Variants in SLC9B1 observed in about 807,000 individuals in gnomAD.
SLC9B1 encodes sodium/hydrogen exchanger 9B1.
SLC9B1 carries 32 observed loss-of-function variants against 51.7 expected under a neutral mutation model. The ratio of observed to expected loss-of-function variants is 0.62; its 90% CI spans 0.47 to 0.83. SLC9B1 has a LOEUF of 0.83. SLC9B1 is among the 40% of genes least tolerant of loss of function. SLC9B1 has a pLI of 0.00. For synonymous variants in SLC9B1, 145 were observed against 212.7 expected (o/e 0.68, Z 2.77); for missense variants, 406 against 613.2 (o/e 0.66, Z 3.57).
chr4:102,944,904 C>A (rs1262419515), intron 6 of SLC9B1, among the ~76,000 whole-genome samples: 1 of 151,624 alleles, frequency 6.6e-6, no homozygotes, highest in African/African-American at 2.4e-5. Context: ...GAGGAAGAGG[C>A]CATTAGATAG....
Position 102,901,143 on chromosome 4 carries a change from G to A in SLC9B1, c.1522C>T (p.Gln508Ter), listed in dbSNP as rs1441944161. 4.3e-6 allele frequency: 7 copies of A among 1,610,970 alleles called. No individual in the cohort carries two copies. The highest frequency in any genetic ancestry group is 5.9e-6 in the Non-Finnish European group (7 of 1,179,774). The change falls in exon 12 of 12, where the codon CAG becomes TAG. Residue 508 changes from glutamine to a stop codon, truncating the protein, a stop_gained. Transcript: ENST00000296422. LOFTEE classifies it low-confidence loss of function (END_TRUNC). The stretch of plus-strand genomic sequence containing the variant: ...TAATGATGTTCTAATGTTGACAACT[G>A]CAGTTTTATTTTGCTTGGATCATAA... ...RHYDPSKIKL[Q>*]LSTLEHH
intron 1 of SLC9B1, among the ~76,000 whole-genome samples, chr4:103,012,205 T>C (rs1278042749): frequency 1.3e-5 from 2 of 152,248 alleles, no homozygotes; most frequent in East Asian, 3.8e-4. Context: ...TTTCTTCCCC[T>C]AAATATCCTA....
At chr4:102,930,996 G>A (rs1736421840) in intron 7 of SLC9B1, among the ~76,000 whole-genome samples, 2 of 151,878 alleles carry the variant, frequency 1.3e-5, no homozygotes, top group African/African-American at 4.8e-5. Context: ...AGGCCGAGGC[G>A]GGCGGATCAT....
rs1734759062 is a variant in SLC9B1, at chr4:102,901,024, C to G, written c.*93G>C. 4 of 1,566,268 alleles carry G rather than the reference C, an allele frequency of 2.6e-6. No homozygotes were observed. In the African/African-American group the frequency reaches 5.4e-5, roughly 21 times the overall value. On this transcript the variant is annotated 3_prime_UTR_variant, in exon 12 of 12. Transcript: ENST00000296422. The stretch of plus-strand genomic sequence containing the variant: ...ACATGTTTACTAAATCCTGGATTCT[C>G]TGTACAGTCCCCACATATTTCTACT...
At chr4:102,934,427 CTATT>C (rs1163050649) in intron 6 of SLC9B1, among the ~76,000 whole-genome samples, 1 of 152,074 alleles carries the variant, frequency 6.6e-6, no homozygotes, top group Non-Finnish European at 1.5e-5. Context: ...GTTGAGATAA[CTATT>C]TATGTGGAAA....
chr4:102,945,196 A>G lies in SLC9B1; in HGVS notation c.650T>C (p.Leu217Ser), dbSNP rs780816343. 27 of 1,590,800 alleles carry G rather than the reference A, an allele frequency of 1.7e-5. No homozygotes were observed. Among genetic ancestry groups the G allele is most frequent in the Middle Eastern group, 3.4e-4 (2 of 5,942 alleles). The change falls in exon 6 of 12, where the codon TTA becomes TCA. Residue 217 changes from leucine to serine, a missense_variant. By Grantham distance (145) the Leu-to-Ser change is moderately radical. Around this residue, in one of 6 missense-constraint regions of SLC9B1, gnomAD observed 250 missense variants for 394.1 expected, o/e 0.63. Transcript: ENST00000296422. The stretch of plus-strand genomic sequence containing the variant: ...GAAAAAATGAGAAAGAAATTACCCT[A>G]ATAGAAATGCCCATTGCCAGGGAAA... Reference protein sequence around the residue: ...MKFPWQWAFLLGFVLGAVSPA... With the variant: ...MKFPWQWAFLSGFVLGAVSPA...
At chr4:102,902,892 C>T (rs1481611110) in intron 11 of SLC9B1, among the ~76,000 whole-genome samples, 4 of 152,102 alleles carry the variant, frequency 2.6e-5, no homozygotes, top group African/African-American at 4.8e-5. Context: ...AGAGCTGAAC[C>T]TTAGCCAATT....
chr4:103,008,611 G>A (rs566287137), intron 1 of SLC9B1, among the ~76,000 whole-genome samples: 1 of 152,010 alleles, frequency 6.6e-6, no homozygotes, highest in East Asian at 1.9e-4. Flanking sequence ...TAAAACTCCT[G>A]ATCTCAAGTG....
At position 102,891,227 on chromosome 4, in the gene SLC9B1, C is replaced by G. The variant is rs1306423778; in HGVS notation, c.1333-5899G>C. On this transcript the variant is annotated intron_variant, in intron 11 of 11. Transcript: ENST00000394789. ...TTTTTAATGGTAGAGGCAGCAGCTA[C>G]CCAGAGTCTACTTATTCTTACTTCA... 3 of 146,730 alleles carry G rather than the reference C, an allele frequency of 2.0e-5. No homozygotes were observed. The South Asian group carries it at 6.2e-4, about 30-fold the overall frequency. The allele number at this position is 146,730 out of a possible 1,614,324, so 9.1% of individuals were successfully genotyped here. A position where few individuals can be genotyped will look rare whatever the true frequency, so the allele number is the denominator to read the frequency against.
At chr4:102,972,297 C>G (rs1285313904) in intron 3 of SLC9B1, among the ~76,000 whole-genome samples, 2 of 152,214 alleles carry the variant, frequency 1.3e-5, no homozygotes, top group Non-Finnish European at 2.9e-5. Flanking sequence ...CCACCACTAT[C>G]AAGTCGGCTT....
intron 11 of SLC9B1, among the ~76,000 whole-genome samples, chr4:102,904,469 A>G (rs1271009124): frequency 1.0e-5 from 1 of 97,974 alleles, no homozygotes; most frequent in East Asian, 2.7e-4. Context: ...AAAATAAAAA[A>G]CATTTTCATA....
intron 11 of SLC9B1, chr4:102,892,851 T>C (rs1734320463): frequency 6.6e-6 from 1 of 152,204 alleles, no homozygotes; most frequent in South Asian, 2.1e-4. Context: ...CCCTCATAAA[T>C]TTCTCTGCAT....
At chr4:102,927,890 C>A (rs928575053) in intron 7 of SLC9B1, among the ~76,000 whole-genome samples, 26 of 152,086 alleles carry the variant, frequency 1.7e-4, no homozygotes, top group Non-Finnish European at 3.5e-4. Context: ...AATACTAATG[C>A]AATCATAAAA....
intron 3 of SLC9B1, among the ~76,000 whole-genome samples, chr4:102,968,426 G>A (rs1333105503): frequency 6.6e-6 from 1 of 152,114 alleles, no homozygotes; most frequent in Non-Finnish European, 1.5e-5. Context: ...TTATGACCTT[G>A]GACTAAGCAA....
At chr4:103,000,011 G>A (rs1037645878) in intron 1 of SLC9B1, among the ~76,000 whole-genome samples, 14 of 152,254 alleles carry the variant, frequency 9.2e-5, no homozygotes, top group Admixed American at 8.5e-4. Flanking sequence ...GTGCAAGCAG[G>A]GGAAAATGCC....
At chr4:102,895,975 A>G (rs1446393179), downstream of SLC9B1, among the ~76,000 whole-genome samples, 1 of 152,192 alleles carries the variant, frequency 6.6e-6, no homozygotes. Context: ...ATTTTTAAAC[A>G]TCCAATTGTG....
chr4:103,013,082 T>C (rs978306784), intron 1 of SLC9B1, among the ~76,000 whole-genome samples: 1 of 152,238 alleles, frequency 6.6e-6, no homozygotes, highest in Non-Finnish European at 1.5e-5. Flanking sequence ...CCAAACACAA[T>C]GGTTTTTCTC....
intron 3 of SLC9B1, among the ~76,000 whole-genome samples, chr4:102,972,467 A>T (rs1194763328): frequency 6.6e-6 from 1 of 152,140 alleles, no homozygotes; most frequent in Admixed American, 6.5e-5. Context: ...GTTAGTCTTG[A>T]ACTCCTGGGC....
At chr4:103,004,810 C>A (rs1740697450) in intron 1 of SLC9B1, among the ~76,000 whole-genome samples, 1 of 152,014 alleles carries the variant, frequency 6.6e-6, no homozygotes, top group Non-Finnish European at 1.5e-5. Flanking sequence ...GAAATTTCAA[C>A]CAAGAATTTC....
Sources: allele counts gnomAD v4.1 joint callset (sites outside exome capture counted in the v4.1 genomes callset), GRCh38; gene constraint gnomAD v4.1.1; regional missense constraint gnomAD v4.1.1; transcripts MANE v1.5; gene names NCBI Gene and HGNC (gene_info 2026-07-23, HGNC 2026-07-21).